The following MCPH1 variants were observed in gnomAD, a reference collection of about 807,000 sequenced individuals.
The protein encoded by MCPH1 is microcephalin.
A neutral mutation model predicts 84.5 loss-of-function variants in MCPH1; 104 were observed. The ratio of observed to expected loss-of-function variants is 1.23; its 90% CI spans 1.05 to 1.45. The LOEUF (loss-of-function observed/expected upper bound fraction) is 1.45, where lower values mean the gene tolerates loss of function less well. Among genes scored for constraint, MCPH1 ranks in the 40% most tolerant of loss-of-function variants. MCPH1 has a pLI of 0.00. For synonymous variants in MCPH1, 514 were observed against 366.8 expected, an observed-to-expected ratio of 1.40 and a Z score of -4.58; for missense variants, 1,498 against 1,005.7, an observed-to-expected ratio of 1.49 and a Z score of -6.62.
In MCPH1 at chr8:6,508,695, C is replaced by G. The variant is rs969181819; in HGVS notation, c.2214+8766C>G. 1.5e-5 allele frequency: 9 copies of G among 613,270 alleles called. No individual in the cohort carries two copies. In the African/African-American group the frequency reaches 1.7e-4, roughly 11 times the overall value. The allele number at this position is 613,270 out of a possible 1,614,324, so 38.0% of individuals were successfully genotyped here. ...CAAATATCCCCTCTCCTTGCCAGGGCTAGGTCCTGAGGAGACACAGTTGGC... is the reference window on the plus strand; with the variant it reads ...CAAATATCCCCTCTCCTTGCCAGGGGTAGGTCCTGAGGAGACACAGTTGGC... On this transcript the variant is annotated intron_variant, in intron 12 of 13. Transcript: ENST00000344683.
chr8:6,553,707 G>A (rs541250587), intron 12 of MCPH1, among the ~76,000 whole-genome samples: 2 of 150,826 alleles, frequency 1.3e-5, no homozygotes, highest in South Asian at 2.1e-4. Context: ...CCTTCTGGTT[G>A]GTGGTCTTGG....
chr8:6,497,713 G>A (rs1291620632), intron 11 of MCPH1, among the ~76,000 whole-genome samples: 14 of 152,186 alleles, frequency 9.2e-5, no homozygotes, highest in Admixed American at 8.5e-4. Flanking sequence ...GTGGCGGCAG[G>A]AGGTGTATGG....
intron 12 of MCPH1, among the ~76,000 whole-genome samples, chr8:6,509,554 T>A (rs1192329045): frequency 6.6e-6 from 1 of 152,170 alleles, no homozygotes; most frequent in Non-Finnish European, 1.5e-5. Context: ...TGAAAATAAA[T>A]CCTTGTGGCT....
chr8:6,563,427 C>T (rs999219941), intron 12 of MCPH1: 2 of 153,968 alleles, frequency 1.3e-5, no homozygotes, highest in African/African-American at 4.8e-5. Flanking sequence ...GCTGCAGAAA[C>T]CCTCTGGGAA....
intron 12 of MCPH1, among the ~76,000 whole-genome samples, chr8:6,555,016 A>T (rs141092293): frequency 2.2e-3 from 342 of 152,346 alleles, no homozygotes; most frequent in African/African-American, 7.8e-3. Flanking sequence ...AGTGGTAGGC[A>T]GAGTTCCTTC....
At chr8:6,448,206 C>T (rs891115606) in intron 8 of MCPH1, among the ~76,000 whole-genome samples, 42 of 152,162 alleles carry the variant, frequency 2.8e-4, no homozygotes, top group African/African-American at 9.4e-4. Flanking sequence ...AGGTGACCAA[C>T]GAAGGCTTCC....
intron 9 of MCPH1, among the ~76,000 whole-genome samples, chr8:6,466,623 G>A (rs1165157489): frequency 6.7e-6 from 1 of 149,916 alleles, no homozygotes; most frequent in East Asian, 2.0e-4. Flanking sequence ...TTGTGTTTTA[G>A]TAGAGACAGG....
At chr8:6,530,319 C>T (rs928792351) in intron 12 of MCPH1, among the ~76,000 whole-genome samples, 5 of 151,998 alleles carry the variant, frequency 3.3e-5, no homozygotes, top group African/African-American at 1.2e-4. Flanking sequence ...ACCAGCCTGG[C>T]CAACGTGGTG....
chr8:6,468,174 G>C (rs1041970036), intron 9 of MCPH1, among the ~76,000 whole-genome samples: 14 of 152,316 alleles, frequency 9.2e-5, no homozygotes, highest in African/African-American at 3.4e-4. Flanking sequence ...AGTGCACCCT[G>C]CCTGCACCTC....
At chr8:6,610,168 C>T in intron 12 of MCPH1, among the ~76,000 whole-genome samples, 1 of 152,176 alleles carries the variant, frequency 6.6e-6, no homozygotes, top group Non-Finnish European at 1.5e-5. Context: ...CTGTTAAATG[C>T]TCATGCTTCT....
chr8:6,533,245 T>G (rs1819868120), intron 12 of MCPH1, among the ~76,000 whole-genome samples: 1 of 152,236 alleles, frequency 6.6e-6, no homozygotes, highest in African/African-American at 2.4e-5. Flanking sequence ...AATTTTAGCA[T>G]TAACTGAAAC....
intron 4 of MCPH1, among the ~76,000 whole-genome samples, chr8:6,433,690 T>A (rs1360334032): frequency 6.6e-6 from 1 of 151,292 alleles, no homozygotes; most frequent in Non-Finnish European, 1.5e-5. Context: ...TATTGGATGT[T>A]ACTAATCTTT....
At chr8:6,512,125 A>G (rs1173882142) in intron 12 of MCPH1, among the ~76,000 whole-genome samples, 1 of 152,142 alleles carries the variant, frequency 6.6e-6, no homozygotes, top group African/African-American at 2.4e-5. Flanking sequence ...CCATAATGAG[A>G]ATAGTGAATA....
chr8:6,441,013 A>G (rs1803432102), intron 6 of MCPH1, among the ~76,000 whole-genome samples: 1 of 152,198 alleles, frequency 6.6e-6, no homozygotes, highest in South Asian at 2.1e-4. Flanking sequence ...CCTCCCAGCT[A>G]AGCCATCTCC....
chr8:6,524,942 AG>A (rs1195896034), intron 12 of MCPH1, among the ~76,000 whole-genome samples: 2 of 152,172 alleles, frequency 1.3e-5, no homozygotes, highest in African/African-American at 2.4e-5. Flanking sequence ...CTGTGTCACA[AG>A]GGCAGACACC....
chr8:6,587,597 T>A lies in MCPH1; in HGVS notation c.2215-33857T>A, dbSNP rs1335341662. Among the ~76,000 whole-genome samples, 3 of 152,256 alleles carry A rather than the reference T, an allele frequency of 2.0e-5. 1 individual carries two copies. The highest frequency in any genetic ancestry group is 4.4e-5 in the Non-Finnish European group (3 of 68,040). On this transcript the variant is annotated intron_variant, in intron 12 of 13. Coordinates refer to ENST00000344683, the MANE Select transcript of MCPH1 (RefSeq NM_024596.5). ...TTTGGCATGGATTTGTATGTAGCTA[T>A]AAATCACTTGGTAATTTTTCAGAAG...
At chr8:6,412,542 C>G (rs1798683253) in intron 2 of MCPH1, among the ~76,000 whole-genome samples, 1 of 152,144 alleles carries the variant, frequency 6.6e-6, no homozygotes, top group African/African-American at 2.4e-5. Context: ...AGACTACAGG[C>G]CTGTGAGGGT....
chr8:6,644,825 T>C lies in MCPH1; in HGVS notation c.*1776T>C, dbSNP rs932561021. On this transcript the variant is annotated 3_prime_UTR_variant, in exon 14 of 14. Coordinates refer to ENST00000344683, the MANE Select transcript of MCPH1 (RefSeq NM_024596.5). ...ACAGAACCACTTCTAGAATGAACCT[T>C]TGAGAAGGGAGGTAGCAGTGCATTG... The C allele has an allele frequency of 2.0e-5, 3 of 152,132 alleles. No individual in the cohort carries two copies. The highest frequency in any genetic ancestry group is 7.2e-5 in the African/African-American group (3 of 41,434). 9.4% of individuals were successfully genotyped at this position (152,132 alleles called of 1,614,324 possible).
intron 9 of MCPH1, among the ~76,000 whole-genome samples, chr8:6,463,628 C>T (rs906140159): frequency 6.6e-6 from 1 of 152,062 alleles, no homozygotes; most frequent in Non-Finnish European, 1.5e-5. Flanking sequence ...AGGCCTAGCC[C>T]AGATGCAGTG....
Sources: gnomAD v4.1 joint callset for allele counts (sites outside exome capture counted in the v4.1 genomes callset) on GRCh38, gnomAD v4.1.1 for gene constraint, MANE v1.5 for transcripts, NCBI Gene and HGNC (gene_info 2026-07-23, HGNC 2026-07-21) for gene names.